The following NLGN1 variants were observed in gnomAD, a reference collection of about 807,000 sequenced individuals.
NLGN1 encodes the protein neuroligin-1.
Under a neutral mutation model 65.5 loss-of-function variants are expected in NLGN1, and 12 were observed. The ratio of observed to expected loss-of-function variants is 0.18; its 90% CI spans 0.12 to 0.30. The LOEUF (loss-of-function observed/expected upper bound fraction) is 0.30. NLGN1 is among the 10% of genes least tolerant of loss of function. The pLI, the probability that NLGN1 is intolerant of heterozygous loss-of-function variation, is 1.00. For missense variants in NLGN1, 750 were observed against 1,007.1 expected (o/e 0.74, Z 3.46); for synonymous variants, 350 against 359.5 (o/e 0.97, Z 0.30).
rs1013572285 is a variant in NLGN1, at chr3:173,458,243, G to T, written c.-321+23165G>T. Among the ~76,000 whole-genome samples the T allele has an allele frequency of 2.0e-5, 3 of 152,068 alleles. No homozygotes were observed. The East Asian group carries it at 5.8e-4, about 29-fold the overall frequency. ...GTTTATGTCATGAGTGCAAAAAGAA[G>T]AAAATATTTTTTTCTTTTGCTTTGT... is the stretch of plus-strand genomic sequence containing the variant. On this transcript the variant is annotated intron_variant, in intron 2 of 6. Coordinates refer to ENST00000457714, the Ensembl canonical transcript of NLGN1.
chr3:173,755,144 T>C (rs543895130), intron 3 of NLGN1, among the ~76,000 whole-genome samples: 2 of 152,144 alleles, frequency 1.3e-5, no homozygotes, highest in South Asian at 2.1e-4. Context: ...TTTGGCAATT[T>C]TGTTCAGTTA....
intron 2 of NLGN1, among the ~76,000 whole-genome samples, chr3:173,448,977 C>T (rs1461641941): frequency 4.6e-5 from 7 of 151,932 alleles, no homozygotes; most frequent in East Asian, 1.9e-4. Flanking sequence ...GTCTTGCCAG[C>T]GGTCTATCAA....
At position 173,795,122 on chromosome 3, in the gene NLGN1, A is replaced by C. The variant is rs559939534; in HGVS notation, c.494-12558A>C. ...CTTGGAAATTGTTTCCTTCCAAAACATGTGTACATAGGAGCCATTAGCCTA... is the reference window on the plus strand; with the variant it reads ...CTTGGAAATTGTTTCCTTCCAAAACCTGTGTACATAGGAGCCATTAGCCTA... On this transcript the variant is annotated intron_variant, in intron 3 of 6. Transcript: ENST00000457714. Among the ~76,000 whole-genome samples, 90 of 152,208 alleles carry C rather than the reference A, an allele frequency of 5.9e-4. No individual in the cohort carries two copies. The South Asian group carries it at 0.018, about 31-fold the overall frequency.
chr3:174,175,790 T>C (rs1729340594), intron 4 of NLGN1, among the ~76,000 whole-genome samples: 1 of 151,978 alleles, frequency 6.6e-6, no homozygotes, highest in Non-Finnish European at 1.5e-5. Context: ...CACGGTAACA[T>C]GATCCTGGTA....
chr3:173,861,598 G>T (rs914951122), intron 4 of NLGN1, among the ~76,000 whole-genome samples: 1 of 149,770 alleles, frequency 6.7e-6, no homozygotes, highest in African/African-American at 2.5e-5. Context: ...ATATATGTGT[G>T]TATGTATATA....
intron 4 of NLGN1, among the ~76,000 whole-genome samples, chr3:174,245,888 T>C (rs954909456): frequency 1.3e-5 from 2 of 152,156 alleles, no homozygotes; most frequent in African/African-American, 4.8e-5. Context: ...TAATAACATA[T>C]TGTGGAAGTT....
chr3:173,840,600 C>T (rs906017329), intron 4 of NLGN1, among the ~76,000 whole-genome samples: 7 of 152,036 alleles, frequency 4.6e-5, no homozygotes, highest in African/African-American at 1.7e-4. Context: ...GTAGTAAAAC[C>T]TGGGTTAAGG....
At chr3:173,400,414 G>GC (rs1717448900) in intron 1 of NLGN1, among the ~76,000 whole-genome samples, 1 of 151,746 alleles carries the variant, frequency 6.6e-6, no homozygotes, top group African/African-American at 2.4e-5. Flanking sequence ...TGTCCTCCTG[G>GC]CCCCCCTTCT....
At chr3:173,765,206 G>A (rs377523102) in intron 3 of NLGN1, among the ~76,000 whole-genome samples, 31 of 152,074 alleles carry the variant, frequency 2.0e-4, no homozygotes, top group East Asian at 1.9e-3. Context: ...AAGAACAAAA[G>A]CGAGAAAGCT....
chr3:174,023,573 A>G (rs1728208129), intron 4 of NLGN1, among the ~76,000 whole-genome samples: 1 of 152,116 alleles, frequency 6.6e-6, no homozygotes, highest in South Asian at 2.1e-4. Context: ...GTGGGGAGGC[A>G]CTGCTGTTAA....
intron 4 of NLGN1, among the ~76,000 whole-genome samples, chr3:174,154,969 T>TATATAGTATATA: frequency 7.3e-6 from 1 of 137,720 alleles, no homozygotes; most frequent in East Asian, 2.0e-4. Flanking sequence ...TATATAATTA[T>TATATAGTATATA]ATATAATATA....
intron 4 of NLGN1, among the ~76,000 whole-genome samples, chr3:173,815,325 T>C (rs899299056): frequency 1.3e-5 from 2 of 152,060 alleles, no homozygotes; most frequent in African/African-American, 2.4e-5. Flanking sequence ...GCAAGGATGG[T>C]CTCAATCTCC....
At chr3:173,689,736 C>T (rs1765193848) in intron 3 of NLGN1, among the ~76,000 whole-genome samples, 1 of 152,102 alleles carries the variant, frequency 6.6e-6, no homozygotes, top group African/African-American at 2.4e-5. Context: ...TCCCACTCTA[C>T]CTTGCCCCAT....
chr3:174,158,765 C>T (rs1725942283), intron 4 of NLGN1, among the ~76,000 whole-genome samples: 2 of 151,424 alleles, frequency 1.3e-5, no homozygotes, highest in Admixed American at 1.3e-4. Flanking sequence ...ATATATGTAC[C>T]ATAGTTTGAA....
intron 2 of NLGN1, among the ~76,000 whole-genome samples, chr3:173,520,751 C>A (rs910735051): frequency 6.6e-6 from 1 of 152,126 alleles, no homozygotes; most frequent in Non-Finnish European, 1.5e-5. Context: ...AAGGAACAAA[C>A]AAACAGAAGA....
exon 3 of NLGN1, chr3:173,604,550 A>G: frequency 6.3e-7 from 1 of 1,592,108 alleles, no homozygotes; most frequent in Non-Finnish European, 8.6e-7. Flanking sequence ...GTGGATATAA[A>G]TACGTTTGCC....
At chr3:173,509,849 T>C (rs1252812881) in intron 2 of NLGN1, among the ~76,000 whole-genome samples, 1 of 152,200 alleles carries the variant, frequency 6.6e-6, no homozygotes, top group African/African-American at 2.4e-5. Context: ...ATATTTTTTC[T>C]ATAGAATTAT....
intron 4 of NLGN1, among the ~76,000 whole-genome samples, chr3:173,999,936 A>G (rs1264399207): frequency 6.6e-6 from 1 of 152,138 alleles, no homozygotes; most frequent in Non-Finnish European, 1.5e-5. Flanking sequence ...CTGAATTTCT[A>G]GAGTCATTAA....
intron 3 of NLGN1, among the ~76,000 whole-genome samples, chr3:173,659,161 C>T (rs1022725584): frequency 2.6e-5 from 4 of 151,628 alleles, no homozygotes; most frequent in African/African-American, 4.8e-5. Context: ...ATAACCAGTG[C>T]GAGTAATAAT....
Sources: allele counts gnomAD v4.1 joint callset (sites outside exome capture counted in the v4.1 genomes callset), GRCh38; gene constraint gnomAD v4.1.1; transcripts MANE v1.5; gene names NCBI Gene and HGNC (gene_info 2026-07-23, HGNC 2026-07-21).